The following CCPG1 variants were observed in gnomAD, a reference collection of about 807,000 sequenced individuals.
CCPG1 encodes cell cycle progression 1.
In CCPG1, 46 loss-of-function variants were observed where a neutral mutation model predicts 81.3. The observed-to-expected ratio is 0.57, with a 90% CI of 0.45 to 0.72. The LOEUF (loss-of-function observed/expected upper bound fraction) is 0.72. Ranked by LOEUF, CCPG1 falls within the 30% of genes least tolerant of loss-of-function variation. CCPG1 has a pLI of 0.00. For synonymous variants in CCPG1, 330 were observed against 305.2 expected, an observed-to-expected ratio of 1.08 and a Z score of -0.85; for missense variants, 902 against 937.6, an observed-to-expected ratio of 0.96 and a Z score of 0.50.
At chr15:55,372,360 A>T (rs1353109948) in intron 5 of CCPG1, 1 of 296,532 alleles carries the variant, frequency 3.4e-6, no homozygotes, top group Non-Finnish European at 6.4e-6. Flanking sequence ...TCATTCGCAT[A>T]GCCTCAAGTT....
intron 1 of CCPG1, among the ~76,000 whole-genome samples, chr15:55,393,164 G>A (rs990075074): frequency 4.6e-5 from 7 of 152,130 alleles, no homozygotes; most frequent in African/African-American, 1.7e-4. Flanking sequence ...AGGGCCAAGA[G>A]TGGCGGCTTG....
chr15:55,386,007 T>C (rs906037546), intron 2 of CCPG1, among the ~76,000 whole-genome samples: 26 of 152,174 alleles, frequency 1.7e-4, no homozygotes, highest in Non-Finnish European at 3.4e-4. Context: ...AGGGTCTAAA[T>C]TTGGTTATTT....
chr15:55,381,194 G>T (rs2056685249), intron 3 of CCPG1, among the ~76,000 whole-genome samples: 1 of 151,342 alleles, frequency 6.6e-6, no homozygotes. Context: ...ACAGCACTTT[G>T]GGAGGCCGAG....
intron 7 of CCPG1, 125 bp from the exon 8 acceptor site, chr15:55,361,069 T>C: frequency 9.5e-7 from 1 of 1,050,758 alleles, no homozygotes; most frequent in African/African-American, 1.7e-5. Context: ...ACCCCCCGGG[T>C]AGTATTTTCA....
chr15:55,387,464 A>C (rs1452911533), intron 2 of CCPG1, among the ~76,000 whole-genome samples: 2 of 152,238 alleles, frequency 1.3e-5, no homozygotes, highest in Admixed American at 6.5e-5. Context: ...CAGAAAAGGC[A>C]ATCTTGTTTT....
intron 7 of CCPG1, among the ~76,000 whole-genome samples, chr15:55,361,580 C>T (rs941681909): frequency 6.6e-6 from 1 of 151,498 alleles, no homozygotes; most frequent in African/African-American, 2.4e-5. Context: ...GTGGCATGCA[C>T]CTGTAGTCCC....
intron 6 of CCPG1, among the ~76,000 whole-genome samples, chr15:55,366,122 C>A (rs192233310): frequency 1.0e-3 from 152 of 152,128 alleles, no homozygotes; most frequent in African/African-American, 3.4e-3. Context: ...CACAGGCCAG[C>A]CCATATGGCT....
intron 1 of CCPG1, chr15:55,407,806 C>T (rs775790191): frequency 6.6e-6 from 1 of 152,308 alleles, no homozygotes; most frequent in Admixed American, 6.5e-5. Context: ...AAAAGACAGG[C>T]TGGCATTAAA....
chr15:55,356,944 C>T, intron 8 of CCPG1: 1 of 985,668 alleles, frequency 1.0e-6, no homozygotes, highest in East Asian at 1.1e-4. Flanking sequence ...ATTTTCCGCA[C>T]ATCAACTTTT....
intron 6 of CCPG1, among the ~76,000 whole-genome samples, chr15:55,371,565 G>C (rs941584804): frequency 6.6e-6 from 1 of 152,006 alleles, no homozygotes; most frequent in Non-Finnish European, 1.5e-5. Flanking sequence ...AACATATATG[G>C]TTATTATCCT....
rs867465734 is a variant in CCPG1 at position 55,365,423 on chromosome 15, T to G, written c.707-114A>C. The G allele has an allele frequency of 1.1e-4, 71 of 628,840 alleles. No individual in the cohort carries two copies. The African/African-American group carries it at 1.3e-3, about 11-fold the overall frequency. 39.0% of individuals were successfully genotyped at this position (628,840 alleles called of 1,614,324 possible). On this transcript the variant is annotated intron_variant, in intron 6 of 8. Coordinates refer to ENST00000442196, the MANE Select transcript of CCPG1 (RefSeq NM_001204450.2). ...AAGCTATGTAGTCTTTTTTTTGTTT[T>G]TTTTTTTTGTTTTTTTTTTGTTTTT...
At chr15:55,384,601 G>A (rs913137714) in intron 3 of CCPG1, among the ~76,000 whole-genome samples, 9 of 152,136 alleles carry the variant, frequency 5.9e-5, no homozygotes, top group African/African-American at 1.9e-4. Context: ...GCTGCAGTGA[G>A]CCAAGATCAT....
At chr15:55,386,632 C>T (rs927596424) in intron 2 of CCPG1, among the ~76,000 whole-genome samples, 5 of 152,128 alleles carry the variant, frequency 3.3e-5, no homozygotes, top group Non-Finnish European at 7.3e-5. Context: ...CAGTGGCTCA[C>T]GCCTGTAATC....
intron 1 of CCPG1, among the ~76,000 whole-genome samples, chr15:55,394,641 A>G (rs933899746): frequency 2.6e-5 from 4 of 152,170 alleles, no homozygotes; most frequent in East Asian, 1.9e-4. Context: ...TCAAGGAAAG[A>G]TAACATTGAA....
chr15:55,382,682 T>C (rs1011345780), intron 3 of CCPG1, among the ~76,000 whole-genome samples: 16 of 152,220 alleles, frequency 1.1e-4, no homozygotes, highest in African/African-American at 3.9e-4. Flanking sequence ...GCTAATTGTT[T>C]GTATTTTTAG....
intron 2 of CCPG1, among the ~76,000 whole-genome samples, chr15:55,388,342 G>A (rs2056845409): frequency 6.6e-6 from 1 of 152,074 alleles, no homozygotes. Context: ...TAAACAAAAT[G>A]TACAAGTTAT....
intron 5 of CCPG1, among the ~76,000 whole-genome samples, chr15:55,375,755 C>T: frequency 6.7e-6 from 1 of 149,750 alleles, no homozygotes. Flanking sequence ...GGTGCAGTGG[C>T]GCAATCTCAG....
chr15:55,391,896 G>A (rs1385104519), intron 1 of CCPG1, among the ~76,000 whole-genome samples: 1 of 75,032 alleles, frequency 1.3e-5, no homozygotes, highest in African/African-American at 3.2e-5. Context: ...AAGGGGGGGG[G>A]GGGCTAGGTG....
chr15:55,398,717 G>A (rs2057070021), intron 1 of CCPG1, among the ~76,000 whole-genome samples: 1 of 152,036 alleles, frequency 6.6e-6, no homozygotes, highest in Non-Finnish European at 1.5e-5. Context: ...AAGTAACTGG[G>A]ATTACAGGTG....
Sources: allele counts gnomAD v4.1 joint callset (sites outside exome capture counted in the v4.1 genomes callset), GRCh38; gene constraint gnomAD v4.1.1; transcripts MANE v1.5; gene names NCBI Gene and HGNC (gene_info 2026-07-23, HGNC 2026-07-21).